CACNA1B: variants seen among roughly 807,000 people sequenced by gnomAD.
CACNA1B encodes the protein calcium voltage-gated channel subunit alpha1 B, also known as voltage-dependent N-type calcium channel subunit alpha-1B.
CACNA1B carries 70 observed loss-of-function variants against 247.2 expected under a neutral mutation model. The ratio of observed to expected loss-of-function variants is 0.28; its 90% CI spans 0.23 to 0.35. The LOEUF is 0.35. CACNA1B is among the 10% of genes least tolerant of loss of function. The probability of loss-of-function intolerance (pLI) is 1.00; values close to 1 mark genes in which losing one functional copy is unlikely to be tolerated. For missense variants in CACNA1B, 2,367 were observed against 3,197.4 expected (o/e 0.74, Z 6.26); for synonymous variants, 1,231 against 1,294.4 (o/e 0.95, Z 1.05).
chr9:138,049,311 T>C lies in CACNA1B; in HGVS notation c.3706T>C (p.Phe1236Leu). Reference protein sequence around the residue: ...VVSGALVAFAFSGSKGKDINT... With the variant: ...VVSGALVAFALSGSKGKDINT... ...CAGTGGCGCCCTGGTGGCGTTTGCT[T>C]TCTCGTAAGTAACGTTCGCTCTGCT... Residue 1236 changes from phenylalanine to leucine, a missense_variant, in exon 24 of 47, where the codon TTC (phenylalanine) becomes CTC (leucine). Physicochemically the swap from Phe to Leu is conservative, Grantham distance 22. This residue lies in a region of CACNA1B where 436 missense variants were observed against 679.5 expected (regional missense o/e 0.64). Coordinates refer to ENST00000371372, the MANE Select transcript of CACNA1B (RefSeq NM_000718.4). The C allele has an allele frequency of 6.3e-7, 1 of 1,588,414 alleles. No individual in the cohort carries two copies. The highest frequency in any genetic ancestry group is 8.6e-7 in the Non-Finnish European group (1 of 1,156,556).
intron 6 of CACNA1B, among the ~76,000 whole-genome samples, chr9:137,929,488 G>A (rs62589636): frequency 0.27 from 41,228 of 152,048 alleles, 7,806 homozygotes; most frequent in East Asian, 0.64. Context: ...CCAGGAGCTG[G>A]AGGCTGCAGT....
At chr9:137,960,436 GAGGGGGAGGGGAGGT>G (rs1958005758) in intron 10 of CACNA1B, among the ~76,000 whole-genome samples, 1 of 26,182 alleles carries the variant, frequency 3.8e-5, no homozygotes, top group African/African-American at 1.7e-4. Flanking sequence ...CTGAGAGACG[GAGGGGGAGGGGAGGT>G]CGGCCTGAAT....
chr9:138,096,456 G>A (rs200315081), intron 36 of CACNA1B, 28 bp from the exon 37 acceptor site: 132 of 1,608,236 alleles, frequency 8.2e-5, no homozygotes, highest in Middle Eastern at 1.6e-4. Context: ...GTCTCTCTCC[G>A]TCACCTGTTC....
chr9:138,047,074 G>T, intron 22 of CACNA1B, 41 bp downstream of exon 22: 1 of 1,563,532 alleles, frequency 6.4e-7, no homozygotes, highest in South Asian at 1.2e-5. Flanking sequence ...AGGCTGTGGC[G>T]GGGGAGCTGG....
chr9:138,026,338 G>C (rs1333049828), intron 20 of CACNA1B, among the ~76,000 whole-genome samples: 1 of 152,136 alleles, frequency 6.6e-6, no homozygotes, highest in Admixed American at 6.5e-5. Context: ...TCCCTCACCT[G>C]ATTCTCTGTG....
intron 20 of CACNA1B, among the ~76,000 whole-genome samples, chr9:138,038,807 T>C (rs1029888022): frequency 5.3e-5 from 8 of 152,196 alleles, no homozygotes; most frequent in African/African-American, 1.9e-4. Context: ...GCTACTTTGA[T>C]GAGATAGAGT....
Position 138,102,415 on chromosome 9 carries a change from C to G in CACNA1B, c.5223-296C>G, listed in dbSNP as rs1383090813. On this transcript the variant is annotated intron_variant, in intron 37 of 46. Coordinates refer to ENST00000371372, the MANE Select transcript of CACNA1B (RefSeq NM_000718.4). This position sits in a 1 kb window ranked among gnomAD's most constrained non-coding sequence, Gnocchi z 5.4. ...GCCGCCCCGATGCAGCCCTTCCTCA[C>G]CCCTCCATGTTCATTAGCTCAGACG... Among the ~76,000 whole-genome samples the G allele has an allele frequency of 6.6e-6, 1 of 152,138 alleles. No homozygotes were observed. Among genetic ancestry groups the G allele is most frequent in the African/African-American group, 2.4e-5 (1 of 41,444 alleles).
chr9:138,070,770 G>T (rs1564271525), intron 32 of CACNA1B, among the ~76,000 whole-genome samples: 1 of 152,228 alleles, frequency 6.6e-6, no homozygotes, highest in Non-Finnish European at 1.5e-5. Flanking sequence ...CACATTGTCT[G>T]TCCCCTGTCC....
chr9:138,076,286 G>A (rs1269454095), intron 35 of CACNA1B, among the ~76,000 whole-genome samples: 2 of 152,196 alleles, frequency 1.3e-5, no homozygotes, highest in Non-Finnish European at 2.9e-5. Flanking sequence ...TGAAGTGCGG[G>A]CCTCCAGCTT....
rs746481465 is a variant in CACNA1B at position 138,121,748 on chromosome 9, G to T, written c.6769G>T (p.Asp2257Tyr). Reference sequence around the variant, plus strand: ...GGCCCCTGGCTCTCGAATTGGCTCTGACCCTTACCTGGGGCAGCGTCTGGA... The same window carrying T: ...GGCCCCTGGCTCTCGAATTGGCTCTTACCCTTACCTGGGGCAGCGTCTGGA... ...PLAPGSRIGS[D>Y]PYLGQRLDSE... Residue 2257 changes from aspartate (D) to tyrosine (Y), a missense_variant, in exon 47 of 47, where the codon GAC (aspartate) becomes TAC (tyrosine). Around this residue, in one of 12 missense-constraint regions of CACNA1B, gnomAD observed 773 missense variants for 779.4 expected, o/e 0.99. Transcript: ENST00000371372. The surrounding 1 kb of genome is among the most constrained non-coding windows in gnomAD (Gnocchi z 6.8). 5 of 1,613,330 alleles carry T rather than the reference G, an allele frequency of 3.1e-6. No individual in the cohort carries two copies. Among genetic ancestry groups the T allele is most frequent in the Non-Finnish European group, 4.2e-6 (5 of 1,179,884 alleles).
In CACNA1B at chr9:138,057,015, A is replaced by C. The variant is rs7861166; in HGVS notation, c.3969-717A>C. 0.16 allele frequency among the ~76,000 whole-genome samples: 23,184 copies of C among 142,380 alleles called. 5,180 individuals are homozygous for C. Among genetic ancestry groups the C allele is most frequent in the African/African-American group, 0.51 (19,938 of 38,868 alleles). 93.4% of individuals were successfully genotyped at this position (142,380 alleles called of 152,430 possible). A position where few individuals can be genotyped will look rare whatever the true frequency, so the allele number is the denominator to read the frequency against. On this transcript the variant is annotated intron_variant, in intron 26 of 46. Transcript: ENST00000371372. This position sits in a 1 kb window ranked among gnomAD's most constrained non-coding sequence, Gnocchi z 4.0. ...CAGTGGCGCGATCTCGGCTCACTGCAGGCTCCACCTCCCGGGTTCACGCCA... is the reference window on the plus strand; with the variant it reads ...CAGTGGCGCGATCTCGGCTCACTGCCGGCTCCACCTCCCGGGTTCACGCCA...
chr9:138,013,305 C>A, intron 18 of CACNA1B, 70 bp downstream of exon 18: 3 of 1,160,804 alleles, frequency 2.6e-6, no homozygotes, highest in Non-Finnish European at 3.6e-6. Flanking sequence ...TGGGCCCTCC[C>A]CAGGGCACCC....
rs1468202574 is a variant in CACNA1B, at chr9:138,023,639, C to T, written c.2896C>T (p.Pro966Ser). ...GCACCGCGGCGGCCCCCGAGCGGGGCCCCGGGAGGCGGAGAGCGGGGAGGA... is the reference window on the plus strand; with the variant it reads ...GCACCGCGGCGGCCCCCGAGCGGGGTCCCGGGAGGCGGAGAGCGGGGAGGA... ...ARHRGGPRAGPREAESGEEPA... is the reference protein window; with the variant it reads ...ARHRGGPRAGSREAESGEEPA... The change falls in exon 19 of 47, where the codon CCC becomes TCC. Residue 966 changes from proline to serine, a missense_variant. Physicochemically the swap from Pro to Ser is moderately conservative, Grantham distance 74. This residue lies in a region of CACNA1B where 631 missense variants were observed against 631.1 expected (regional missense o/e 1.00). Coordinates refer to ENST00000371372, the MANE Select transcript of CACNA1B (RefSeq NM_000718.4). 3 of 1,386,686 alleles carry T rather than the reference C, an allele frequency of 2.2e-6. No individual in the cohort carries two copies. Among genetic ancestry groups the T allele is most frequent in the Non-Finnish European group, 2.8e-6 (3 of 1,062,012 alleles). 85.9% of individuals were successfully genotyped at this position (1,386,686 alleles called of 1,614,324 possible). A position where few individuals can be genotyped will look rare whatever the true frequency, so the allele number is the denominator to read the frequency against.
chr9:138,120,465 G>T, intron 45 of CACNA1B, 93 bp downstream of exon 45: 4 of 1,414,520 alleles, frequency 2.8e-6, no homozygotes, highest in South Asian at 1.4e-5. Flanking sequence ...TCCTTTGTGG[G>T]CCTCGTGACC....
At chr9:137,968,203 CT>C (rs972443624) in intron 10 of CACNA1B, among the ~76,000 whole-genome samples, 3 of 152,174 alleles carry the variant, frequency 2.0e-5, no homozygotes, top group African/African-American at 7.2e-5. Flanking sequence ...TCAGGGTGGG[CT>C]TGGGGCCTGG....
At chr9:138,110,811 A>T (rs1432305808) in intron 39 of CACNA1B, among the ~76,000 whole-genome samples, 5 of 152,198 alleles carry the variant, frequency 3.3e-5, no homozygotes, top group Non-Finnish European at 7.3e-5. Flanking sequence ...CTGCTATAGG[A>T]TTAGTATTCC....
chr9:138,094,631 C>T (rs1326682168), intron 36 of CACNA1B, among the ~76,000 whole-genome samples: 1 of 152,046 alleles, frequency 6.6e-6, no homozygotes, highest in African/African-American at 2.4e-5. Context: ...CAAAGATCAT[C>T]AACAAAAATA....
At position 137,999,487 on chromosome 9, in the gene CACNA1B, A is replaced by G. The variant is rs375162630; in HGVS notation, c.1975-7280A>G. ...AAAAACTTATAATCTTAATGCAGTT[A>G]TCAGAAAAAAAAAAGGATAAAAAAT... On this transcript the variant is annotated intron_variant, in intron 15 of 46. Transcript: ENST00000371372. 9.0e-4 allele frequency among the ~76,000 whole-genome samples: 137 copies of G among 152,198 alleles called. 1 individual carries two copies. Among genetic ancestry groups the G allele is most frequent in the African/African-American group, 2.9e-3 (122 of 41,510 alleles).
intron 20 of CACNA1B, among the ~76,000 whole-genome samples, chr9:138,036,280 C>T (rs919729649): frequency 1.3e-5 from 2 of 152,178 alleles, no homozygotes; most frequent in South Asian, 2.1e-4. Flanking sequence ...GCTGGGACTA[C>T]AGGCGCCCGC....
Sources: gnomAD v4.1 joint callset for allele counts (sites outside exome capture counted in the v4.1 genomes callset) on GRCh38, gnomAD v4.1.1 for gene constraint, gnomAD v4.1.1 regional missense constraint, Gnocchi (gnomAD v3.1) non-coding constraint, MANE v1.5 for transcripts, NCBI Gene and HGNC (gene_info 2026-07-23, HGNC 2026-07-21) for gene names.